Variants in USP36 observed in about 807,000 individuals in gnomAD.
The protein encoded by USP36 is ubiquitin specific peptidase 36, also known as ubiquitin carboxyl-terminal hydrolase 36.
A neutral mutation model predicts 111.5 loss-of-function variants in USP36; 59 were observed. That is an observed-to-expected ratio of 0.53 (90% CI 0.43 to 0.66). The LOEUF (loss-of-function observed/expected upper bound fraction) is 0.66, where lower values mean the gene tolerates loss of function less well. Ranked by LOEUF, USP36 falls within the 30% of genes least tolerant of loss-of-function variation. The probability of loss-of-function intolerance (pLI) is 0.00; values close to 1 mark genes in which losing one functional copy is unlikely to be tolerated. For synonymous variants in USP36, 628 were observed against 581.0 expected (o/e 1.08, Z -1.16); for missense variants, 1,488 against 1,468.0 (o/e 1.01, Z -0.22).
chr17:78,798,818 G>A lies in USP36; in HGVS notation c.3240+90C>T. 3 of 1,485,224 alleles carry A rather than the reference G, an allele frequency of 2.0e-6. No homozygotes were observed. The highest frequency in any genetic ancestry group is 2.3e-5 in the South Asian group (2 of 85,652). The allele number at this position is 1,485,224 out of a possible 1,614,324, so 92.0% of individuals were successfully genotyped here. ...CTCTTCTCATGCTCGGCCGCTTCAT[G>A]CCACTGCCGCCACCTCCAACTGCCC... On this transcript the variant is annotated intron_variant, in intron 19 of 20. Transcript: ENST00000449938. The surrounding 1 kb of genome is among the most constrained non-coding windows in gnomAD (Gnocchi z 5.1).
chr17:78,835,452 C>T lies in USP36; in HGVS notation c.303G>A (p.Gln101=). The change falls in exon 4 of 21, where the codon CAG becomes CAA. Residue 101 remains glutamine, a synonymous_variant. Coordinates refer to ENST00000449938, the MANE Select transcript of USP36 (RefSeq NM_001385174.1). ...ESCGDGVPAP[Q]KVLFPTERLS... ...GTCGCTCCGTGGGGAAAAGCACTTT[C>T]TGCGGGGCTGGGACTCCGTCACCAC... 6.2e-7 allele frequency: 1 copy of T among 1,613,476 alleles called. No individual in the cohort carries two copies. The highest frequency in any genetic ancestry group is 8.5e-7 in the Non-Finnish European group (1 of 1,179,672).
At chr17:78,822,677 C>T (rs1030558767) in intron 6 of USP36, among the ~76,000 whole-genome samples, 16 of 152,214 alleles carry the variant, frequency 1.1e-4, no homozygotes, top group Non-Finnish European at 1.2e-4. Context: ...TGGCGCCTCC[C>T]ACGCCTACGT....
chr17:78,828,303 C>T (rs1191759784), intron 5 of USP36, among the ~76,000 whole-genome samples: 1 of 152,184 alleles, frequency 6.6e-6, no homozygotes, highest in Non-Finnish European at 1.5e-5. Context: ...CTACAATTTA[C>T]ACAGATTTCA....
intron 10 of USP36, among the ~76,000 whole-genome samples, chr17:78,818,418 T>C (rs570646280): frequency 1.3e-5 from 2 of 152,368 alleles, no homozygotes; most frequent in South Asian, 4.1e-4. Context: ...TCACTGGCAC[T>C]GGGATAAACC....
In USP36 at chr17:78,823,462, G is replaced by A. The variant is rs189204015; in HGVS notation, c.690-1458C>T. ...GCACAACTGTCACCTTCCCCAGGAG[G>A]AGGAAAGGCAAGCTGAGTGACAGCG... On this transcript the variant is annotated intron_variant, in intron 6 of 20. Coordinates refer to ENST00000449938, the MANE Select transcript of USP36 (RefSeq NM_001385174.1). 4.8e-3 allele frequency among the ~76,000 whole-genome samples: 736 copies of A among 152,280 alleles called. 2 individuals carry two copies. The highest frequency in any genetic ancestry group is 0.017 in the African/African-American group (710 of 41,530).
chr17:78,835,432 T>A lies in USP36; in HGVS notation c.323A>T (p.Glu108Val). ...PAPQKVLFPT[E>V]RLSLRWERVF... ...CCGCTCCCACCTCAGAGACAGTCGCTCCGTGGGGAAAAGCACTTTCTGCGG... is the reference window on the plus strand; with the variant it reads ...CCGCTCCCACCTCAGAGACAGTCGCACCGTGGGGAAAAGCACTTTCTGCGG... Residue 108 changes from glutamate (E) to valine (V), a missense_variant, in exon 4 of 21, where the codon GAG becomes GTG. Around this residue, in one of 3 missense-constraint regions of USP36, gnomAD observed 219 missense variants for 209.5 expected, o/e 1.05. Coordinates refer to ENST00000449938, the MANE Select transcript of USP36 (RefSeq NM_001385174.1). 1 of 1,614,176 alleles carries A rather than the reference T, an allele frequency of 6.2e-7. No homozygotes were observed. Among genetic ancestry groups the A allele is most frequent in the Non-Finnish European group, 8.5e-7 (1 of 1,180,014 alleles).
intron 3 of USP36, among the ~76,000 whole-genome samples, chr17:78,790,531 T>A (rs2093575012): frequency 6.6e-6 from 1 of 152,108 alleles, no homozygotes; most frequent in Non-Finnish European, 1.5e-5. Flanking sequence ...GACCTTGTGA[T>A]CTGTCTGCCG....
chr17:78,838,912 T>A (rs923817366), intron 1 of USP36, 162 bp from the exon 2 acceptor site: 2 of 152,126 alleles, frequency 1.3e-5, no homozygotes, highest in African/African-American at 4.8e-5. Context: ...TGGACCGTAC[T>A]ACCTCATCAC....
At chr17:78,820,711 A>C (rs1369963408) in intron 8 of USP36, among the ~76,000 whole-genome samples, 1 of 152,168 alleles carries the variant, frequency 6.6e-6, no homozygotes, top group East Asian at 1.9e-4. Flanking sequence ...AGAGCACACA[A>C]CAGACTCTCC....
At chr17:78,795,477 G>C (rs1304348631), downstream of USP36, among the ~76,000 whole-genome samples, 1 of 152,148 alleles carries the variant, frequency 6.6e-6, no homozygotes, top group Non-Finnish European at 1.5e-5. The surrounding 1 kb of genome is among the most constrained non-coding windows in gnomAD (Gnocchi z 4.5). Context: ...CAGCCTCTTG[G>C]TCACCTATTC....
At chr17:78,815,851 A>G (rs2094170341) in intron 10 of USP36, among the ~76,000 whole-genome samples, 1 of 149,238 alleles carries the variant, frequency 6.7e-6, no homozygotes, top group Non-Finnish European at 1.5e-5. Flanking sequence ...ACACACACAT[A>G]TGCATGCATA....
At chr17:78,809,517 T>C (rs1358926139) in intron 13 of USP36, among the ~76,000 whole-genome samples, 1 of 152,106 alleles carries the variant, frequency 6.6e-6, no homozygotes, top group Non-Finnish European at 1.5e-5. Context: ...AAAATGCTCA[T>C]GGTCAGTGAA....
rs1285268186 is a variant in USP36, at chr17:78,802,440, AC to A, written c.2905del (p.Val969Ter). 6.2e-7 allele frequency: 1 copy of A among 1,612,210 alleles called. No homozygotes were observed. The highest frequency in any genetic ancestry group is 8.5e-7 in the Non-Finnish European group (1 of 1,179,700). On this transcript the variant is annotated frameshift_variant, in exon 17 of 21. Transcript: ENST00000449938. LOFTEE classifies it high-confidence loss of function. ...KKRKQETQRA[V>X]EEDGHLKCPR... ...GCATTTGAGATGCCCATCCTCTTCT[AC>A]TGCCCGCTGTGTCTCCTGCTTTCTT...
At chr17:78,789,479 C>T (rs535357808) in intron 3 of USP36, among the ~76,000 whole-genome samples, 27 of 152,108 alleles carry the variant, frequency 1.8e-4, no homozygotes, top group Admixed American at 2.0e-4. Context: ...CCTGGACTTG[C>T]TAATTTTGCA....
chr17:78,835,639 G>A, intron 3 of USP36, 138 bp from the exon 4 acceptor site: 1 of 896,698 alleles, frequency 1.1e-6, no homozygotes, highest in Non-Finnish European at 1.7e-6. Context: ...CTGGTGTTCT[G>A]GTTTACAGGA....
At position 78,798,200 on chromosome 17, in the gene USP36, C is replaced by G. The variant is rs1292389305; in HGVS notation, c.*20+200G>C. 8 of 640,144 alleles carry G rather than the reference C, an allele frequency of 1.2e-5. No homozygotes were observed. The highest frequency in any genetic ancestry group is 1.9e-5 in the African/African-American group (1 of 53,582). 39.7% of individuals were successfully genotyped at this position (640,144 alleles called of 1,614,324 possible). ...CCACACACACCCCCTTATACACACG[C>G]ATCCCACACACACCCTTCTCCAAGT... On this transcript the variant is annotated intron_variant, in intron 20 of 20. Coordinates refer to ENST00000449938, the MANE Select transcript of USP36 (RefSeq NM_001385174.1). This position sits in a 1 kb window ranked among gnomAD's most constrained non-coding sequence, Gnocchi z 5.1.
chr17:78,830,708 T>C (rs1445668726), intron 4 of USP36, among the ~76,000 whole-genome samples: 2 of 152,156 alleles, frequency 1.3e-5, no homozygotes, highest in East Asian at 3.8e-4. Context: ...TGCAACAGCA[T>C]GCAGCCTGCT....
rs758577833 is a variant in USP36 at position 78,798,590 on chromosome 17, G to A, written c.3241-39C>T. 7 of 1,607,266 alleles carry A rather than the reference G, an allele frequency of 4.4e-6. No individual in the cohort carries two copies. Among genetic ancestry groups the A allele is most frequent in the Middle Eastern group, 3.3e-4 (2 of 6,084 alleles). The stretch of plus-strand genomic sequence containing the variant: ...CACAGGCATCACAGTTCCCAAAAAC[G>A]GCTCTTTCCTGGCCCACGGGGCTCC... On this transcript the variant is annotated intron_variant, in intron 19 of 20. Coordinates refer to ENST00000449938, the MANE Select transcript of USP36 (RefSeq NM_001385174.1). The surrounding 1 kb of genome is among the most constrained non-coding windows in gnomAD (Gnocchi z 5.1).
At chr17:78,788,592 C>G (rs2093555325) in intron 3 of USP36, among the ~76,000 whole-genome samples, 1 of 152,172 alleles carries the variant, frequency 6.6e-6, no homozygotes, top group South Asian at 2.1e-4. Context: ...AAAGGCAGGA[C>G]TGATGCCCAC....
Sources: gnomAD v4.1 joint callset for allele counts (sites outside exome capture counted in the v4.1 genomes callset) on GRCh38, gnomAD v4.1.1 for gene constraint, gnomAD v4.1.1 regional missense constraint, Gnocchi (gnomAD v3.1) non-coding constraint, MANE v1.5 for transcripts, NCBI Gene and HGNC (gene_info 2026-07-23, HGNC 2026-07-21) for gene names.